FOXP1: variants seen among roughly 807,000 people sequenced by gnomAD.
The protein encoded by FOXP1 is forkhead box P1.
FOXP1 carries 15 observed loss-of-function variants against 98.2 expected under a neutral mutation model. That is an observed-to-expected ratio of 0.15 (90% confidence interval 0.10 to 0.24). The LOEUF (loss-of-function observed/expected upper bound fraction) is 0.24, where lower values mean the gene tolerates loss of function less well. Ranked by LOEUF, FOXP1 falls within the 10% of genes least tolerant of loss-of-function variation. The pLI, the probability that FOXP1 is intolerant of heterozygous loss-of-function variation, is 1.00. For synonymous variants in FOXP1, 371 were observed against 314.5 expected (o/e 1.18, Z -1.90); for missense variants, 633 against 848.5 (o/e 0.75, Z 3.15).
intron 4 of FOXP1, among the ~76,000 whole-genome samples, chr3:71,328,245 A>G (rs2076041922): frequency 6.6e-6 from 1 of 152,182 alleles, no homozygotes; most frequent in African/African-American, 2.4e-5. Context: ...CTTGGCCAAC[A>G]TGGTAAAACC....
intron 6 of FOXP1, among the ~76,000 whole-genome samples, chr3:71,123,218 C>A (rs1403339311): frequency 3.3e-5 from 5 of 152,170 alleles, no homozygotes. Flanking sequence ...CCCCTGATAT[C>A]CCTAGACCCA....
intron 3 of FOXP1, among the ~76,000 whole-genome samples, chr3:71,368,579 C>T (rs1046088932): frequency 7.0e-6 from 1 of 142,968 alleles, no homozygotes; most frequent in African/African-American, 2.6e-5. Flanking sequence ...TTTGATCAAA[C>T]CTCAGTAGCT....
chr3:71,210,376 C>G (rs1447838306), intron 5 of FOXP1, among the ~76,000 whole-genome samples: 1 of 152,206 alleles, frequency 6.6e-6, no homozygotes, highest in Non-Finnish European at 1.5e-5. Context: ...CAACCATCAT[C>G]TTTCCCCAAA....
Position 71,443,495 on chromosome 3 carries a change from G to A in FOXP1, c.-168+49931C>T, listed in dbSNP as rs2086134303. Among the ~76,000 whole-genome samples the A allele has an allele frequency of 2.0e-5, 3 of 152,148 alleles. No homozygotes were observed. In the South Asian group the frequency reaches 6.2e-4, roughly 31 times the overall value. On this transcript the variant is annotated intron_variant, in intron 3 of 20. Transcript: ENST00000649528. Reference sequence around the variant, plus strand: ...TCTGTCGGTCTAACAAGCCCTCCAGGTGACCCTGATGCACACTCGAGTTGG... The same window carrying A: ...TCTGTCGGTCTAACAAGCCCTCCAGATGACCCTGATGCACACTCGAGTTGG...
At chr3:71,199,054 T>C (rs1312105326) in intron 5 of FOXP1, among the ~76,000 whole-genome samples, 1 of 151,884 alleles carries the variant, frequency 6.6e-6, no homozygotes, top group Non-Finnish European at 1.5e-5. Context: ...CTATAGAGCA[T>C]ATTAGGTATA....
chr3:71,175,748 T>C (rs1451301301), intron 6 of FOXP1, among the ~76,000 whole-genome samples: 1 of 152,230 alleles, frequency 6.6e-6, no homozygotes, highest in Non-Finnish European at 1.5e-5. Flanking sequence ...TAGGGAAATG[T>C]ACATAGTTTG....
intron 7 of FOXP1, among the ~76,000 whole-genome samples, chr3:71,064,653 G>A (rs1324367227): frequency 2.0e-5 from 3 of 152,014 alleles, no homozygotes; most frequent in African/African-American, 7.2e-5. Flanking sequence ...CTTCCAGAGC[G>A]CAACTCCTAC....
intron 2 of FOXP1, among the ~76,000 whole-genome samples, chr3:71,496,848 A>T (rs1039820207): frequency 6.6e-6 from 1 of 152,000 alleles, no homozygotes; most frequent in African/African-American, 2.4e-5. Context: ...AAGACAAAAA[A>T]AAACAATGCT....
Position 71,316,365 on chromosome 3 carries a change from G to A in FOXP1, c.-72-16485C>T, listed in dbSNP as rs371467183. ...TCCAGGGCTAGAGCTAGTGGCCATC[G>A]GGATGACCACAGCTGTGCTGTACCT... On this transcript the variant is annotated intron_variant, in intron 4 of 20. Transcript: ENST00000649528. Among the ~76,000 whole-genome samples, 57 of 152,224 alleles carry A rather than the reference G, an allele frequency of 3.7e-4. 1 individual carries two copies. The South Asian group carries it at 8.5e-3, about 23-fold the overall frequency.
rs752099661 is a variant in FOXP1, at chr3:71,560,822, T to C, written c.-298+20727A>G. ...ACACAAAAGGCCACAGAGAGTTTCA[T>C]TCCATTCATATGAAACATCCAGAAT... On this transcript the variant is annotated intron_variant, in intron 2 of 20. Transcript: ENST00000649528. 7.3e-4 allele frequency among the ~76,000 whole-genome samples: 111 copies of C among 152,146 alleles called. 2 individuals are homozygous for C. Among genetic ancestry groups the C allele is most frequent in the Non-Finnish European group, 2.6e-4 (18 of 68,022 alleles).
intron 9 of FOXP1, among the ~76,000 whole-genome samples, chr3:71,047,562 A>C (rs1173646787): frequency 6.6e-6 from 1 of 152,094 alleles, no homozygotes; most frequent in Non-Finnish European, 1.5e-5. Context: ...AATAAATGAG[A>C]AAAAATCAGA....
At chr3:71,320,324 G>A (rs1234624714) in intron 4 of FOXP1, among the ~76,000 whole-genome samples, 2 of 151,890 alleles carry the variant, frequency 1.3e-5, no homozygotes, top group African/African-American at 4.8e-5. Context: ...GATGTTAGCC[G>A]CTGCTTGGTC....
At chr3:71,393,384 T>A (rs1344748383) in intron 3 of FOXP1, among the ~76,000 whole-genome samples, 2 of 152,032 alleles carry the variant, frequency 1.3e-5, no homozygotes, top group African/African-American at 4.8e-5. Flanking sequence ...TGTTAAGTAA[T>A]GATGACTATA....
chr3:71,437,302 G>A (rs193116382), intron 3 of FOXP1, among the ~76,000 whole-genome samples: 1 of 152,250 alleles, frequency 6.6e-6, no homozygotes, highest in African/African-American at 2.4e-5. Context: ...AGTTACTTGA[G>A]AAATGAAGGT....
intron 3 of FOXP1, among the ~76,000 whole-genome samples, chr3:71,441,454 G>C (rs1319890140): frequency 6.6e-6 from 1 of 152,198 alleles, no homozygotes; most frequent in African/African-American, 2.4e-5. Context: ...AGCAGTTCAG[G>C]CATCTTGTTT....
rs377075198 is a variant in FOXP1 at position 71,561,143 on chromosome 3, G to A, written c.-298+20406C>T. Among the ~76,000 whole-genome samples the A allele has an allele frequency of 2.0e-5, 3 of 151,820 alleles. No homozygotes were observed. In the East Asian group the frequency reaches 5.8e-4, roughly 29 times the overall value. On this transcript the variant is annotated intron_variant, in intron 2 of 20. Transcript: ENST00000649528. ...ACGATCTCGGCTCACTGCAACCTCC[G>A]ACTCCCAGGTTCAAGTGATTCTGGT...
Position 70,958,798 on chromosome 3 carries a change from T to G in FOXP1, c.*449A>C. The G allele has an allele frequency of 3.7e-6, 1 of 273,256 alleles. No individual in the cohort carries two copies. Among genetic ancestry groups the G allele is most frequent in the Non-Finnish European group, 6.5e-6 (1 of 152,860 alleles). The allele number at this position is 273,256 out of a possible 1,614,324, so 16.9% of individuals were successfully genotyped here. A position where few individuals can be genotyped will look rare whatever the true frequency, so the allele number is the denominator to read the frequency against. On this transcript the variant is annotated 3_prime_UTR_variant, in exon 21 of 21. Coordinates refer to ENST00000649528, the MANE Select transcript of FOXP1 (RefSeq NM_001349338.3). ...AAAGGCAGTGATAATCAACATGCAGTACTGTGCAAATAGGTCGTCCATTGG... is the reference window on the plus strand; with the variant it reads ...AAAGGCAGTGATAATCAACATGCAGGACTGTGCAAATAGGTCGTCCATTGG...
chr3:71,201,502 C>T (rs1234296241), intron 5 of FOXP1, among the ~76,000 whole-genome samples: 1 of 152,118 alleles, frequency 6.6e-6, no homozygotes, highest in African/African-American at 2.4e-5. Context: ...AAAAAATTAG[C>T]CGGGCATGGT....
intron 3 of FOXP1, among the ~76,000 whole-genome samples, chr3:71,449,279 CT>C (rs745690220): frequency 3.9e-5 from 6 of 152,150 alleles, no homozygotes; most frequent in Non-Finnish European, 7.3e-5. Context: ...GGCACTAGCT[CT>C]CAGGATCGTC....
Sources: allele counts gnomAD v4.1 joint callset (sites outside exome capture counted in the v4.1 genomes callset), GRCh38; gene constraint gnomAD v4.1.1; transcripts MANE v1.5; gene names NCBI Gene and HGNC (gene_info 2026-07-23, HGNC 2026-07-21).